RYR1: variants seen among roughly 807,000 people sequenced by gnomAD.
RYR1 encodes central core disease of muscle.
RYR1 carries 342 observed loss-of-function variants against 583.5 expected under a neutral mutation model. That is an observed-to-expected ratio of 0.59 (90% CI 0.54 to 0.64). The LOEUF is 0.64. Among genes scored for constraint, RYR1 ranks in the 30% least tolerant of loss-of-function variants. The pLI is 0.00. For missense variants in RYR1, 6,032 were observed against 6,917.2 expected (o/e 0.87, Z 4.54); for synonymous variants, 2,791 against 2,822.5 (o/e 0.99, Z 0.35).
chr19:38,451,752 C>A lies in RYR1; in HGVS notation c.1123-12C>A, dbSNP rs764770694. 1 of 1,613,998 alleles carries A rather than the reference C, an allele frequency of 6.2e-7. No individual in the cohort carries two copies. The highest frequency in any genetic ancestry group is 8.5e-7 in the Non-Finnish European group (1 of 1,179,962). On this transcript the variant is annotated splice_polypyrimidine_tract_variant and intron_variant, in intron 11 of 105. Transcript: ENST00000359596. ...CTGGGCCCACTCCAGACCTCTGTCT[C>A]CCCACTCCTAGGCCATGCTGCACCA... is the stretch of plus-strand genomic sequence containing the variant.
rs1568506647 is a variant in RYR1, at chr19:38,502,796, GGC to G, written c.7835+70_7835+71del. The stretch of plus-strand genomic sequence containing the variant: ...GGGCAGGGGCAGGGGCAGGGGCAGG[GGC>G]AGGGGCAGGGGGAGGAGCAGGGGCA... On this transcript the variant is annotated intron_variant, in intron 48 of 105. Coordinates refer to ENST00000359596, the MANE Select transcript of RYR1 (RefSeq NM_000540.3). The G allele has an allele frequency of 3.1e-5, 32 of 1,044,758 alleles. 1 individual carries two copies. Among genetic ancestry groups the G allele is most frequent in the South Asian group, 2.0e-4 (11 of 55,590 alleles). 64.7% of individuals were successfully genotyped at this position (1,044,758 alleles called of 1,614,324 possible).
In RYR1 at chr19:38,494,408, G is replaced by T. The variant is rs773607432; in HGVS notation, c.6331G>T (p.Val2111Leu). ...MVVRWAQEDFVQSPELVRAMF... is the reference protein window; with the variant it reads ...MVVRWAQEDFLQSPELVRAMF... ...GGTGCGCTGGGCCCAAGAGGACTTC[G>T]TGCAGAGCCCCGAGCTGGTGCGGGC... Residue 2111 changes from valine (V) to leucine (L), a missense_variant, in exon 39 of 106, where the codon GTG becomes TTG. Coordinates refer to ENST00000359596, the MANE Select transcript of RYR1 (RefSeq NM_000540.3). 2 of 1,612,062 alleles carry T rather than the reference G, an allele frequency of 1.2e-6. No homozygotes were observed. Among genetic ancestry groups the T allele is most frequent in the South Asian group, 2.2e-5 (2 of 91,004 alleles).
chr19:38,505,063 G>A lies in RYR1; in HGVS notation c.8292G>A (p.Glu2764=). 2.5e-6 allele frequency: 4 copies of A among 1,614,152 alleles called. No homozygotes were observed. The highest frequency in any genetic ancestry group is 1.7e-5 in the Admixed American group (1 of 60,024). Residue 2764 remains glutamate (E), a synonymous_variant, in exon 52 of 106, where the codon GAG becomes GAA. Transcript: ENST00000359596. ...ACAAGTTTGCGGAGTACACACACGA[G>A]AAGTGGGCCTTCGACAAGGTTGGCC... ...FINKFAEYTH[E]KWAFDKIQNN... is the part of the protein sequence containing the mutation.
At chr19:38,474,888 G>A (rs1261130500) in intron 28 of RYR1, among the ~76,000 whole-genome samples, 2 of 152,120 alleles carry the variant, frequency 1.3e-5, no homozygotes, top group Non-Finnish European at 2.9e-5. Context: ...GGAAATGATG[G>A]AGTCTTTGTG....
chr19:38,524,030 C>A, intron 70 of RYR1, 101 bp downstream of exon 70: 1 of 1,354,152 alleles, frequency 7.4e-7, no homozygotes, highest in South Asian at 1.2e-5. Context: ...GCTTCTGTTC[C>A]CCACCCCCGT....
At position 38,532,278 on chromosome 19, in the gene RYR1, C is replaced by G. The variant is rs111798857; in HGVS notation, c.11142-212C>G. Among the ~76,000 whole-genome samples the G allele has an allele frequency of 0.023, 3,456 of 152,224 alleles. 94 individuals are homozygous for G. Among genetic ancestry groups the G allele is most frequent in the Admixed American group, 0.073 (1,111 of 15,274 alleles). ...CTGGGATTACAGGCAAGCACCATCA[C>G]ACCCGGCTAATTTTTTGTACTTTTA... On this transcript the variant is annotated intron_variant, in intron 76 of 105. Coordinates refer to ENST00000359596, the MANE Select transcript of RYR1 (RefSeq NM_000540.3).
In RYR1 at chr19:38,489,373, A is replaced by C. The variant is rs777680485; in HGVS notation, c.5744A>C (p.Glu1915Ala). The C allele has an allele frequency of 2.5e-6, 4 of 1,613,988 alleles. No homozygotes were observed. In the South Asian group the frequency reaches 4.4e-5, roughly 18 times the overall value. The change falls in exon 35 of 106, where the codon GAA (glutamate) becomes GCA (alanine). Residue 1915 changes from glutamate (E) to alanine (A), a missense_variant. Glu to Ala is a moderately radical substitution (Grantham distance 107, BLOSUM62 -1). Around this residue, in one of 11 missense-constraint regions of RYR1, gnomAD observed 2,627 missense variants for 2,961.3 expected, o/e 0.89. Transcript: ENST00000359596. ...DEEKEEEEAAEGEKEEGLEEG... is the reference protein window; with the variant it reads ...DEEKEEEEAAAGEKEEGLEEG... The stretch of plus-strand genomic sequence containing the variant: ...GAAAAAGAGGAAGAGGAGGCAGCAG[A>C]AGGGGAGAAAGAAGAAGGCTTGGAG...
At chr19:38,440,595 G>T in intron 1 of RYR1, 150 bp from the exon 2 acceptor site, 1 of 682,566 alleles carries the variant, frequency 1.5e-6, no homozygotes, top group Non-Finnish European at 2.4e-6. Context: ...TCAAGGAGTT[G>T]TCAGGAGCAG....
intron 89 of RYR1, 94 bp downstream of exon 89, chr19:38,548,514 C>T (rs1972530212): frequency 1.8e-6 from 2 of 1,097,918 alleles, no homozygotes; most frequent in East Asian, 4.7e-5. Context: ...CAAGAGACAT[C>T]TCTGCAAGCC....
At chr19:38,447,315 T>C (rs890996643) in intron 9 of RYR1, among the ~76,000 whole-genome samples, 17 of 151,818 alleles carry the variant, frequency 1.1e-4, no homozygotes, top group African/African-American at 3.6e-4. Context: ...CCGAGGCAGG[T>C]GGATCACTTG....
rs764370319 is a variant in RYR1, at chr19:38,440,734, C to T, written c.46-11C>T. On this transcript the variant is annotated splice_polypyrimidine_tract_variant and intron_variant, in intron 1 of 105. Coordinates refer to ENST00000359596, the MANE Select transcript of RYR1 (RefSeq NM_000540.3). ...AGGCCCCCCTGGAGACGCTGCCCCTCGGTTCCGCAGGACGATGAGGTGGTC... is the reference window on the plus strand; with the variant it reads ...AGGCCCCCCTGGAGACGCTGCCCCTTGGTTCCGCAGGACGATGAGGTGGTC... 6.9e-6 allele frequency: 11 copies of T among 1,604,522 alleles called. No individual in the cohort carries two copies. The highest frequency in any genetic ancestry group is 1.1e-5 in the South Asian group (1 of 90,720).
chr19:38,523,490 A>G, intron 69 of RYR1, 181 bp downstream of exon 69: 1 of 664,538 alleles, frequency 1.5e-6, no homozygotes, highest in Non-Finnish European at 2.7e-6. Flanking sequence ...CTCCTCCTGT[A>G]TCTTCTCCCT....
At chr19:38,443,137 G>A (rs1278256135) in intron 3 of RYR1, among the ~76,000 whole-genome samples, 1 of 152,186 alleles carries the variant, frequency 6.6e-6, no homozygotes, top group Non-Finnish European at 1.5e-5. Context: ...CAACTGCTAG[G>A]CCTGTCCCAG....
Position 38,519,331 on chromosome 19 carries a change from T to C in RYR1, c.10136T>C (p.Leu3379Pro). Reference sequence around the variant, plus strand: ...AAGGTGGTGTCCGAGGAGGAGCAGCTGCGCCTGGAGGCCAAGGCGGAGGCC... The same window carrying C: ...AAGGTGGTGTCCGAGGAGGAGCAGCCGCGCCTGGAGGCCAAGGCGGAGGCC... ...AGKVVSEEEQ[L>P]RLEAKAEAQE... is the part of the protein sequence containing the mutation. The change falls in exon 67 of 106, where the codon CTG (leucine) becomes CCG (proline). Residue 3379 changes from leucine (L) to proline (P), a missense_variant. Physicochemically the swap from Leu to Pro is moderately conservative, Grantham distance 98. Transcript: ENST00000359596. 1 of 1,613,598 alleles carries C rather than the reference T, an allele frequency of 6.2e-7. No individual in the cohort carries two copies. Among genetic ancestry groups the C allele is most frequent in the South Asian group, 1.1e-5 (1 of 91,048 alleles).
intron 1 of RYR1, among the ~76,000 whole-genome samples, chr19:38,438,409 A>C (rs1453250167): frequency 8.8e-5 from 13 of 148,328 alleles, no homozygotes; most frequent in Non-Finnish European, 1.8e-4. Flanking sequence ...TCCTTTTGAG[A>C]CATGGTCTCA....
Position 38,561,918 on chromosome 19 carries a change from G to A in RYR1, c.12624+464G>A, listed in dbSNP as rs570028615. On this transcript the variant is annotated intron_variant, in intron 90 of 105. Transcript: ENST00000359596. This position sits in a 1 kb window ranked among gnomAD's most constrained non-coding sequence, Gnocchi z 4.8. ...CCCGCTCATGCTCACTCTTGTACAC[G>A]CTCGCCTTGGGGGCTCTGGGGTGCC... 1.2e-3 allele frequency among the ~76,000 whole-genome samples: 189 copies of A among 152,168 alleles called. No individual in the cohort carries two copies. Among genetic ancestry groups the A allele is most frequent in the African/African-American group, 4.2e-3 (175 of 41,512 alleles).
intron 58 of RYR1, among the ~76,000 whole-genome samples, 175 bp downstream of exon 58, chr19:38,508,002 G>A (rs1313015822): frequency 1.3e-5 from 2 of 152,078 alleles, no homozygotes; most frequent in Admixed American, 1.3e-4. Context: ...CAGCAGTGAA[G>A]ATGACAAATG....
At chr19:38,437,956 C>T (rs1972498668) in intron 1 of RYR1, among the ~76,000 whole-genome samples, 1 of 150,558 alleles carries the variant, frequency 6.6e-6, no homozygotes. Flanking sequence ...CACTGCACTC[C>T]ACCCCAGGAG....
At chr19:38,493,501 TTC>T (rs1156432034) in intron 38 of RYR1, among the ~76,000 whole-genome samples, 1 of 150,182 alleles carries the variant, frequency 6.7e-6, no homozygotes, top group Non-Finnish European at 1.5e-5. Flanking sequence ...TTTAGATTTT[TTC>T]TTTTTCTTTT....
Sources: allele counts gnomAD v4.1 joint callset (sites outside exome capture counted in the v4.1 genomes callset), GRCh38; gene constraint gnomAD v4.1.1; regional missense constraint gnomAD v4.1.1; non-coding constraint Gnocchi (gnomAD v3.1); transcripts MANE v1.5; gene names NCBI Gene and HGNC (gene_info 2026-07-23, HGNC 2026-07-21).